EYS: variants seen among roughly 807,000 people sequenced by gnomAD.
EYS encodes the protein EGF-like photoreceptor maintenance factor.
EYS carries 250 observed loss-of-function variants against 282.1 expected under a neutral mutation model. That is an observed-to-expected ratio of 0.89 (90% CI 0.80 to 0.98). EYS has a LOEUF of 0.98. Among genes scored for constraint, EYS ranks in the 50% least tolerant of loss-of-function variants. The pLI, the probability that EYS is intolerant of heterozygous loss-of-function variation, is 0.00. For missense variants in EYS, 4,016 were observed against 3,709.0 expected, an observed-to-expected ratio of 1.08 and a Z score of -2.15; for synonymous variants, 1,355 against 1,282.9, an observed-to-expected ratio of 1.06 and a Z score of -1.20.
At chr6:65,188,796 G>A (rs915028940) in intron 12 of EYS, among the ~76,000 whole-genome samples, 1 of 147,142 alleles carries the variant, frequency 6.8e-6, no homozygotes, top group Non-Finnish European at 1.5e-5. Context: ...TGAAGGAAGA[G>A]GGCCAGGAGC....
At chr6:64,034,558 C>A (rs979876083) in intron 33 of EYS, among the ~76,000 whole-genome samples, 9 of 152,092 alleles carry the variant, frequency 5.9e-5, no homozygotes, top group Admixed American at 1.3e-4. Flanking sequence ...TGGAGAGACT[C>A]AAAAAATAAC....
intron 31 of EYS, among the ~76,000 whole-genome samples, chr6:64,123,252 AT>A (rs892417701): frequency 6.6e-6 from 1 of 152,168 alleles, no homozygotes; most frequent in Non-Finnish European, 1.5e-5. Flanking sequence ...AAGACAAAGC[AT>A]TTTTTAAATA....
chr6:65,368,009 G>A (rs1367360540), intron 8 of EYS, among the ~76,000 whole-genome samples: 1 of 151,440 alleles, frequency 6.6e-6, no homozygotes, highest in Non-Finnish European at 1.5e-5. Flanking sequence ...AGCATGGGTG[G>A]GAAAGCCTCA....
At chr6:63,987,344 A>T (rs762964474) in intron 34 of EYS, among the ~76,000 whole-genome samples, 7 of 151,674 alleles carry the variant, frequency 4.6e-5, no homozygotes, top group Admixed American at 1.3e-4. Flanking sequence ...GAGGGAACTG[A>T]TACTGAGTAC....
chr6:64,799,608 A>G (rs546195788), intron 22 of EYS, among the ~76,000 whole-genome samples: 2 of 150,930 alleles, frequency 1.3e-5, no homozygotes, highest in East Asian at 3.9e-4. Flanking sequence ...ACTAGGCCAT[A>G]TCTGATGCAA....
chr6:65,369,312 TATATTA>T (rs370879736), intron 8 of EYS, among the ~76,000 whole-genome samples: 27,243 of 88,278 alleles, frequency 0.31, 3,247 homozygotes, highest in Non-Finnish European at 0.45. Context: ...GTATAATATA[TATATTA>T]TATATATATA....
chr6:64,916,567 G>C (rs557029132), intron 15 of EYS, among the ~76,000 whole-genome samples: 1 of 152,254 alleles, frequency 6.6e-6, no homozygotes, highest in South Asian at 2.1e-4. Context: ...GGTGGGAAAA[G>C]GAAAACATAT....
intron 22 of EYS, among the ~76,000 whole-genome samples, chr6:64,811,804 A>G (rs1764604131): frequency 6.6e-6 from 1 of 152,102 alleles, no homozygotes; most frequent in African/African-American, 2.4e-5. Context: ...CTTTTCAGCC[A>G]CTTGAAGCAT....
chr6:64,807,586 T>A (rs988844260), intron 22 of EYS, among the ~76,000 whole-genome samples: 1 of 152,172 alleles, frequency 6.6e-6, no homozygotes, highest in Non-Finnish European at 1.5e-5. Context: ...GTCATGTAAC[T>A]TTTCTCTACT....
At chr6:65,398,647 G>A (rs1457242665) in intron 7 of EYS, among the ~76,000 whole-genome samples, 1 of 152,008 alleles carries the variant, frequency 6.6e-6, no homozygotes, top group African/African-American at 2.4e-5. Context: ...AAAGGTTTCT[G>A]CACAGCAAGT....
At chr6:63,996,087 T>C (rs1357196349) in intron 34 of EYS, among the ~76,000 whole-genome samples, 1 of 151,852 alleles carries the variant, frequency 6.6e-6, no homozygotes, top group African/African-American at 2.4e-5. Flanking sequence ...ACCTGTCAAT[T>C]AAATATATAA....
Position 63,726,379 on chromosome 6 carries a change from G to T in EYS, c.8233+140C>A, listed in dbSNP as rs553075606. 82 of 706,168 alleles carry T rather than the reference G, an allele frequency of 1.2e-4. 1 individual carries two copies. The highest frequency in any genetic ancestry group is 1.8e-4 in the Non-Finnish European group (81 of 458,740). 43.7% of individuals were successfully genotyped at this position (706,168 alleles called of 1,614,324 possible). A position where few individuals can be genotyped will look rare whatever the true frequency, so the allele number is the denominator to read the frequency against. ...ATATCTAGGGCTTCTAAATTCATAC[G>T]CATACACTTGCAGTGACAATAGAAC... On this transcript the variant is annotated intron_variant, in intron 42 of 42. Coordinates refer to ENST00000503581, the MANE Select transcript of EYS (RefSeq NM_001142800.2).
At chr6:65,662,454 C>T (rs183827555) in intron 1 of EYS, among the ~76,000 whole-genome samples, 57 of 152,230 alleles carry the variant, frequency 3.7e-4, no homozygotes, top group African/African-American at 1.3e-3. Flanking sequence ...GCAAGGGAGA[C>T]ATCGATGTTA....
intron 12 of EYS, among the ~76,000 whole-genome samples, chr6:65,065,735 C>T (rs982537987): frequency 6.6e-6 from 1 of 152,126 alleles, no homozygotes; most frequent in Non-Finnish European, 1.5e-5. Flanking sequence ...TATAGTAATT[C>T]TTCTTCACAC....
At chr6:64,054,265 G>A (rs1003419068) in intron 33 of EYS, among the ~76,000 whole-genome samples, 1 of 152,180 alleles carries the variant, frequency 6.6e-6, no homozygotes, top group East Asian at 1.9e-4. Context: ...TTGAGTATGA[G>A]TTGGGACCAG....
intron 12 of EYS, among the ~76,000 whole-genome samples, chr6:65,270,509 T>C (rs1024034573): frequency 6.6e-6 from 1 of 152,200 alleles, no homozygotes; most frequent in African/African-American, 2.4e-5. Flanking sequence ...CTAACTGTTC[T>C]CGCTTAACAC....
At chr6:64,082,228 T>G (rs952525914) in intron 31 of EYS, among the ~76,000 whole-genome samples, 13 of 152,274 alleles carry the variant, frequency 8.5e-5, no homozygotes, top group African/African-American at 2.9e-4. Context: ...AGAGTTATAA[T>G]TTGATGTTTA....
chr6:64,422,397 A>G (rs180900950), intron 28 of EYS, among the ~76,000 whole-genome samples: 21 of 152,292 alleles, frequency 1.4e-4, no homozygotes, highest in Middle Eastern at 3.4e-3. Context: ...TGTATGTTCT[A>G]CTTTGTAGCA....
chr6:64,375,146 T>C (rs1369182114), intron 29 of EYS, among the ~76,000 whole-genome samples: 1 of 152,218 alleles, frequency 6.6e-6, no homozygotes, highest in Non-Finnish European at 1.5e-5. Flanking sequence ...CTTATGAAAA[T>C]ACAAAATATA....
Sources: gnomAD v4.1 joint callset for allele counts (sites outside exome capture counted in the v4.1 genomes callset) on GRCh38, gnomAD v4.1.1 for gene constraint, MANE v1.5 for transcripts, NCBI Gene and HGNC (gene_info 2026-07-23, HGNC 2026-07-21) for gene names.